TACR1: variants seen among roughly 807,000 people sequenced by gnomAD.
TACR1 encodes the protein substance-P receptor.
TACR1 carries 25 observed loss-of-function variants against 35.8 expected under a neutral mutation model. The observed-to-expected ratio is 0.70, with a 90% CI of 0.51 to 0.98. TACR1 has a LOEUF of 0.98. Among genes scored for constraint, TACR1 ranks in the 50% least tolerant of loss-of-function variants. The pLI, the probability that TACR1 is intolerant of heterozygous loss-of-function variation, is 0.00. For synonymous variants in TACR1, 195 were observed against 206.7 expected, an observed-to-expected ratio of 0.94 and a Z score of 0.48; for missense variants, 478 against 522.9, an observed-to-expected ratio of 0.91 and a Z score of 0.84.
At chr2:75,161,376 A>G (rs1675005917) in intron 1 of TACR1, among the ~76,000 whole-genome samples, 1 of 152,172 alleles carries the variant, frequency 6.6e-6, no homozygotes, top group South Asian at 2.1e-4. Flanking sequence ...ATAATATTTA[A>G]TAGTAAGAAT....
intron 1 of TACR1, among the ~76,000 whole-genome samples, chr2:75,175,766 T>C (rs1326006485): frequency 6.6e-6 from 1 of 152,100 alleles, no homozygotes; most frequent in Non-Finnish European, 1.5e-5. Context: ...AAGTCCTCTG[T>C]GCCGTGTAAA....
intron 1 of TACR1, among the ~76,000 whole-genome samples, chr2:75,130,802 C>T (rs1035700717): frequency 1.8e-4 from 28 of 152,294 alleles, no homozygotes; most frequent in Admixed American, 6.5e-4. Context: ...TTAAGACAAC[C>T]GTGCTCAAAG....
intron 2 of TACR1, among the ~76,000 whole-genome samples, chr2:75,055,737 C>T (rs1017169163): frequency 3.9e-5 from 6 of 152,210 alleles, no homozygotes; most frequent in Non-Finnish European, 8.8e-5. Context: ...ACTCCTTACC[C>T]TGGACCAGTG....
intron 2 of TACR1, among the ~76,000 whole-genome samples, chr2:75,076,941 A>G (rs1285757185): frequency 1.3e-5 from 2 of 152,302 alleles, no homozygotes; most frequent in South Asian, 2.1e-4. Context: ...TTACACAGGT[A>G]ATTTCATGTA....
chr2:75,161,856 G>A (rs1675017461), intron 1 of TACR1, among the ~76,000 whole-genome samples: 1 of 152,096 alleles, frequency 6.6e-6, no homozygotes, highest in Non-Finnish European at 1.5e-5. Context: ...GAAAACTTGT[G>A]TACAAATATG....
At chr2:75,177,627 T>C (rs1171959535) in intron 1 of TACR1, among the ~76,000 whole-genome samples, 1 of 152,058 alleles carries the variant, frequency 6.6e-6, no homozygotes, top group Non-Finnish European at 1.5e-5. Context: ...CCTACCCACG[T>C]CCTTGCTTCT....
At chr2:75,092,388 A>G (rs901238138) in intron 2 of TACR1, among the ~76,000 whole-genome samples, 2 of 152,144 alleles carry the variant, frequency 1.3e-5, no homozygotes, top group African/African-American at 4.8e-5. Flanking sequence ...GCCAGTTAAT[A>G]GGACTTACTC....
chr2:75,165,739 G>A (rs988926689), intron 1 of TACR1, among the ~76,000 whole-genome samples: 1 of 152,114 alleles, frequency 6.6e-6, no homozygotes. Context: ...ACTTATTATG[G>A]CAAATCCTTT....
chr2:75,079,440 G>C (rs965572010), intron 2 of TACR1, among the ~76,000 whole-genome samples: 9 of 152,030 alleles, frequency 5.9e-5, no homozygotes, highest in African/African-American at 2.2e-4. Context: ...TTGGCACTTG[G>C]GCCAGTGCTG....
chr2:75,134,087 A>G (rs1674231320), intron 1 of TACR1, among the ~76,000 whole-genome samples: 1 of 152,234 alleles, frequency 6.6e-6, no homozygotes, highest in Admixed American at 6.5e-5. Context: ...GGGAGGCATG[A>G]ATAATCCACC....
intron 2 of TACR1, among the ~76,000 whole-genome samples, chr2:75,083,515 G>A (rs1264509956): frequency 6.6e-6 from 1 of 152,124 alleles, no homozygotes; most frequent in Non-Finnish European, 1.5e-5. Flanking sequence ...ATTACCTTGG[G>A]CAGTATGGCC....
At position 75,170,286 on chromosome 2, in the gene TACR1, A is replaced by G. The variant is rs889592658; in HGVS notation, c.389+28260T>C. ...GTTTTATAAAGAGGAATTCCCCTACATAAGCTCTCTTGCCTGTTGCCATGT... is the reference window on the plus strand; with the variant it reads ...GTTTTATAAAGAGGAATTCCCCTACGTAAGCTCTCTTGCCTGTTGCCATGT... On this transcript the variant is annotated intron_variant, in intron 1 of 4. Transcript: ENST00000305249. Among the ~76,000 whole-genome samples, 105 of 152,326 alleles carry G rather than the reference A, an allele frequency of 6.9e-4. No homozygotes were observed. In the Middle Eastern group the frequency reaches 0.014, roughly 20 times the overall value.
At chr2:75,094,727 G>A (rs1052718441) in intron 2 of TACR1, among the ~76,000 whole-genome samples, 1 of 151,536 alleles carries the variant, frequency 6.6e-6, no homozygotes, top group African/African-American at 2.4e-5. Flanking sequence ...GAAGGTGGTG[G>A]CAGTGGTAGT....
At chr2:75,139,958 T>G (rs1674369024) in intron 1 of TACR1, among the ~76,000 whole-genome samples, 2 of 152,176 alleles carry the variant, frequency 1.3e-5, no homozygotes, top group Non-Finnish European at 2.9e-5. Context: ...ACATCCAGGT[T>G]GTTAACGGAG....
intron 2 of TACR1, among the ~76,000 whole-genome samples, chr2:75,112,411 T>C (rs1015289208): frequency 2.0e-5 from 3 of 150,116 alleles, no homozygotes; most frequent in African/African-American, 7.2e-5. Flanking sequence ...AGGAATAGTT[T>C]GAGAAGAACT....
intron 1 of TACR1, among the ~76,000 whole-genome samples, chr2:75,136,175 C>A (rs1235165800): frequency 2.0e-5 from 3 of 152,196 alleles, no homozygotes; most frequent in Admixed American, 6.5e-5. Flanking sequence ...CACAGCCCAG[C>A]CTCTTCGTTT....
chr2:75,155,652 C>T (rs1674830613), intron 1 of TACR1, among the ~76,000 whole-genome samples: 1 of 152,208 alleles, frequency 6.6e-6, no homozygotes, highest in Admixed American at 6.5e-5. Context: ...TCACCAATTA[C>T]CCTCCATTAT....
intron 1 of TACR1, among the ~76,000 whole-genome samples, chr2:75,144,871 C>G (rs1347939882): frequency 6.6e-6 from 1 of 152,022 alleles, no homozygotes; most frequent in Non-Finnish European, 1.5e-5. Flanking sequence ...ATTTGAAAGT[C>G]CACTTTGAGG....
intron 2 of TACR1, among the ~76,000 whole-genome samples, chr2:75,112,114 C>A (rs960265311): frequency 3.9e-5 from 6 of 151,922 alleles, no homozygotes; most frequent in African/African-American, 1.2e-4. Context: ...ATGGAATAAT[C>A]CTTACAAATT....
Sources: gnomAD v4.1 joint callset for allele counts (sites outside exome capture counted in the v4.1 genomes callset) on GRCh38, gnomAD v4.1.1 for gene constraint, MANE v1.5 for transcripts, NCBI Gene and HGNC (gene_info 2026-07-23, HGNC 2026-07-21) for gene names.